The following RBKS variants were observed in gnomAD, a reference collection of about 807,000 sequenced individuals.
RBKS encodes ribokinase.
A neutral mutation model predicts 33.9 loss-of-function variants in RBKS; 33 were observed. The observed-to-expected ratio is 0.97, with a 90% CI of 0.74 to 1.30. RBKS has a LOEUF of 1.30. Ranked by LOEUF, RBKS falls within the 50% of genes most tolerant of loss-of-function variation. The probability of loss-of-function intolerance (pLI) is 0.00; values close to 1 mark genes in which losing one functional copy is unlikely to be tolerated. For synonymous variants in RBKS, 125 were observed against 143.0 expected, an observed-to-expected ratio of 0.87 and a Z score of 0.90; for missense variants, 361 against 392.6, an observed-to-expected ratio of 0.92 and a Z score of 0.68.
At chr2:27,885,753 C>T (rs1664514196) in intron 1 of RBKS, among the ~76,000 whole-genome samples, 2 of 152,190 alleles carry the variant, frequency 1.3e-5, no homozygotes, top group African/African-American at 2.4e-5. Context: ...TACTGTCTTA[C>T]TAGAATGTAA....
In RBKS at chr2:27,796,790, T is replaced by C. The variant is rs570143014; in HGVS notation, c.796-15002A>G. Among the ~76,000 whole-genome samples, 5 of 152,238 alleles carry C rather than the reference T, an allele frequency of 3.3e-5. No individual in the cohort carries two copies. In the South Asian group the frequency reaches 1.0e-3, roughly 32 times the overall value. ...CTGAGGCAGCGCCTGGAGCTGGGTA[T>C]GGGTCTGGGTGGGCAGCCTCTGCTG... On this transcript the variant is annotated intron_variant, in intron 7 of 7. Transcript: ENST00000302188.
intron 1 of RBKS, among the ~76,000 whole-genome samples, chr2:27,877,678 A>C (rs1319446698): frequency 6.6e-6 from 1 of 152,190 alleles, no homozygotes; most frequent in Non-Finnish European, 1.5e-5. Flanking sequence ...TGGGAAAATA[A>C]AGTTTCAACA....
rs1030713692 is a variant in RBKS at position 27,810,597 on chromosome 2, T to C, written c.795+16970A>G. Among the ~76,000 whole-genome samples the C allele has an allele frequency of 3.3e-5, 5 of 152,222 alleles. No homozygotes were observed. The highest frequency in any genetic ancestry group is 7.3e-5 in the Non-Finnish European group (5 of 68,036). The stretch of plus-strand genomic sequence containing the variant: ...TTTATGTGAGTCGGAGTAAAAAATA[T>C]GCTGAAAACCACTCAGACTGACAGA... On this transcript the variant is annotated intron_variant, in intron 7 of 7. Coordinates refer to ENST00000302188, the MANE Select transcript of RBKS (RefSeq NM_022128.3). The surrounding 1 kb of genome is among the most constrained non-coding windows in gnomAD (Gnocchi z 4.4).
At chr2:27,801,689 C>T (rs1558536302) in intron 7 of RBKS, among the ~76,000 whole-genome samples, 1 of 151,954 alleles carries the variant, frequency 6.6e-6, no homozygotes, top group East Asian at 1.9e-4. Flanking sequence ...TTAACTGGCT[C>T]ATGGTTTTGC....
At chr2:27,838,233 C>T (rs1678565968) in intron 5 of RBKS, among the ~76,000 whole-genome samples, 1 of 151,814 alleles carries the variant, frequency 6.6e-6, no homozygotes, top group Non-Finnish European at 1.5e-5. Flanking sequence ...AACAAGTCTG[C>T]ACATGTACCC....
In RBKS at chr2:27,864,619, T is replaced by C. The variant is rs540298459; in HGVS notation, c.90-6048A>G. ...AGAGAGGACTTCCCAGACCACCTTA[T>C]AGGAGACACTCCCTTCTTAATATAA... On this transcript the variant is annotated intron_variant, in intron 1 of 7. Transcript: ENST00000302188. Among the ~76,000 whole-genome samples, 104 of 152,206 alleles carry C rather than the reference T, an allele frequency of 6.8e-4. 2 individuals carry two copies. The highest frequency in any genetic ancestry group is 2.4e-3 in the African/African-American group (101 of 41,550).
rs75813055 is a variant in RBKS at position 27,808,721 on chromosome 2, T to A, written c.795+18846A>T. Among the ~76,000 whole-genome samples, 822 of 152,336 alleles carry A rather than the reference T, an allele frequency of 5.4e-3. 10 individuals carry two copies. Among genetic ancestry groups the A allele is most frequent in the African/African-American group, 0.019 (789 of 41,572 alleles). ...CTGGCTGGTCAGACCAGGACTGAAG[T>A]GGAGCATTTTGACGAAGGTGTTTTG... On this transcript the variant is annotated intron_variant, in intron 7 of 7. Transcript: ENST00000302188.
intron 1 of RBKS, among the ~76,000 whole-genome samples, chr2:27,864,289 C>G (rs944147609): frequency 6.6e-6 from 1 of 152,174 alleles, no homozygotes; most frequent in African/African-American, 2.4e-5. Flanking sequence ...TCCCAAAGCA[C>G]TGATATTACA....
intron 1 of RBKS, chr2:27,870,108 G>C (rs1371839420): frequency 6.6e-6 from 1 of 152,320 alleles, no homozygotes; most frequent in African/African-American, 2.4e-5. Context: ...GGGAAGTAAT[G>C]CTCAAACTCC....
intron 2 of RBKS, among the ~76,000 whole-genome samples, chr2:27,849,738 A>T (rs1234443771): frequency 4.6e-5 from 7 of 151,752 alleles, no homozygotes; most frequent in Non-Finnish European, 8.8e-5. Context: ...TGGTAACTGG[A>T]TCTCCCCTGT....
chr2:27,819,629 C>T (rs1311583763), intron 7 of RBKS, among the ~76,000 whole-genome samples: 1 of 152,164 alleles, frequency 6.6e-6, no homozygotes, highest in Non-Finnish European at 1.5e-5. Context: ...AGCAATGTGG[C>T]AAAAGCCAGA....
intron 7 of RBKS, among the ~76,000 whole-genome samples, chr2:27,794,347 TAAAG>T (rs930634168): frequency 4.2e-5 from 6 of 143,130 alleles, no homozygotes; most frequent in Middle Eastern, 3.7e-3. Flanking sequence ...ATAATAATAA[TAAAG>T]AAATTTTAAA....
chr2:27,835,691 C>G (rs1678505385), intron 5 of RBKS, among the ~76,000 whole-genome samples: 1 of 150,934 alleles, frequency 6.6e-6, no homozygotes, highest in Admixed American at 6.6e-5. Context: ...TCCCAAAATG[C>G]TAAGATTACA....
intron 1 of RBKS, among the ~76,000 whole-genome samples, chr2:27,864,103 T>C (rs900168207): frequency 2.6e-5 from 4 of 152,096 alleles, no homozygotes; most frequent in Admixed American, 2.6e-4. Context: ...CACAGCTCAC[T>C]GTAACCTCGA....
intron 1 of RBKS, among the ~76,000 whole-genome samples, chr2:27,887,669 T>A (rs1279715629): frequency 6.6e-6 from 1 of 152,094 alleles, no homozygotes; most frequent in Non-Finnish European, 1.5e-5. Context: ...GATTTTTTAC[T>A]GATGATTTTA....
At chr2:27,838,649 A>G (rs1663372542) in intron 5 of RBKS, among the ~76,000 whole-genome samples, 1 of 152,202 alleles carries the variant, frequency 6.6e-6, no homozygotes, top group Non-Finnish European at 1.5e-5. Context: ...CTCCACCATG[A>G]TGAAAGAAAC....
intron 1 of RBKS, chr2:27,861,432 T>C: frequency 2.1e-6 from 1 of 467,742 alleles, no homozygotes. Flanking sequence ...CCCACTGCAC[T>C]CCCAGTATCA....
chr2:27,819,692 A>T (rs1057218675), intron 7 of RBKS, among the ~76,000 whole-genome samples: 9 of 152,240 alleles, frequency 5.9e-5, no homozygotes, highest in Non-Finnish European at 2.9e-5. Flanking sequence ...TGAAGAGTTA[A>T]ATGGAAATCT....
At chr2:27,846,384 G>T (rs1663620464) in intron 4 of RBKS, among the ~76,000 whole-genome samples, 1 of 152,154 alleles carries the variant, frequency 6.6e-6, no homozygotes, top group African/African-American at 2.4e-5. Flanking sequence ...GCTCACTGCA[G>T]CCTTGAATTC....
Sources: allele counts gnomAD v4.1 joint callset (sites outside exome capture counted in the v4.1 genomes callset), GRCh38; gene constraint gnomAD v4.1.1; non-coding constraint Gnocchi (gnomAD v3.1); transcripts MANE v1.5; gene names NCBI Gene and HGNC (gene_info 2026-07-23, HGNC 2026-07-21).